Variants in ATP8A2 observed in about 807,000 individuals in gnomAD.
ATP8A2 encodes the protein ATPase phospholipid transporting 8A2.
In ATP8A2, 100 loss-of-function variants were observed where a neutral mutation model predicts 165.6. The ratio of observed to expected loss-of-function variants is 0.60; its 90% confidence interval spans 0.51 to 0.71. ATP8A2 has a LOEUF of 0.71. Among genes scored for constraint, ATP8A2 ranks in the 30% least tolerant of loss-of-function variants. The pLI is 0.00. For synonymous variants in ATP8A2, 543 were observed against 548.8 expected (o/e 0.99, Z 0.15); for missense variants, 1,227 against 1,479.5 (o/e 0.83, Z 2.80).
intron 24 of ATP8A2, among the ~76,000 whole-genome samples, chr13:25,676,303 C>A (rs1179999905): frequency 6.6e-6 from 1 of 152,156 alleles, no homozygotes; most frequent in Admixed American, 6.5e-5. Flanking sequence ...TTTCCCTCAT[C>A]TAGCTTAGAT....
intron 30 of ATP8A2, among the ~76,000 whole-genome samples, chr13:25,855,190 G>A (rs1566206216): frequency 6.6e-6 from 1 of 151,474 alleles, no homozygotes; most frequent in Non-Finnish European, 1.5e-5. Flanking sequence ...GGCAGAGATT[G>A]CAGTGAGCAG....
intron 24 of ATP8A2, among the ~76,000 whole-genome samples, chr13:25,680,168 A>G (rs1462947296): frequency 6.6e-6 from 1 of 152,286 alleles, no homozygotes; most frequent in South Asian, 2.1e-4. Context: ...ACCCCCCTGC[A>G]CAGTATCTTA....
At chr13:25,616,987 G>GATAAATAAAGATTAAA (rs2040844257) in intron 24 of ATP8A2, among the ~76,000 whole-genome samples, 1 of 152,160 alleles carries the variant, frequency 6.6e-6, no homozygotes, top group Non-Finnish European at 1.5e-5. Context: ...GATTAAATAT[G>GATAAATAAAGATTAAA]TAATTGGAAA....
intron 27 of ATP8A2, among the ~76,000 whole-genome samples, chr13:25,775,792 C>A (rs375411757): frequency 1.3e-5 from 2 of 152,152 alleles, no homozygotes; most frequent in East Asian, 3.8e-4. Flanking sequence ...TATTTTATAT[C>A]TGATTTCTTG....
intron 30 of ATP8A2, among the ~76,000 whole-genome samples, chr13:25,856,259 TAA>T (rs1007607632): frequency 2.0e-5 from 3 of 152,194 alleles, no homozygotes; most frequent in Admixed American, 2.0e-4. Flanking sequence ...TGTTTTATCA[TAA>T]GAGTTTTATA....
intron 24 of ATP8A2, among the ~76,000 whole-genome samples, chr13:25,657,955 C>T (rs1176354174): frequency 6.6e-6 from 1 of 152,150 alleles, no homozygotes; most frequent in East Asian, 1.9e-4. Flanking sequence ...GGTAACGTTA[C>T]TTTTGGTTCT....
intron 10 of ATP8A2, among the ~76,000 whole-genome samples, chr13:25,548,861 G>A (rs1170288063): frequency 2.0e-5 from 3 of 152,198 alleles, no homozygotes; most frequent in African/African-American, 7.2e-5. Context: ...AAAACTGTGG[G>A]GAGATAGTAT....
intron 27 of ATP8A2, among the ~76,000 whole-genome samples, chr13:25,798,631 G>A (rs1950546929): frequency 6.6e-6 from 1 of 152,146 alleles, no homozygotes; most frequent in South Asian, 2.1e-4. Context: ...GAAGGAGGTG[G>A]GGATGTTATA....
At chr13:25,865,929 G>A (rs1952498272) in intron 33 of ATP8A2, among the ~76,000 whole-genome samples, 1 of 152,030 alleles carries the variant, frequency 6.6e-6, no homozygotes, top group African/African-American at 2.4e-5. Flanking sequence ...TTTTCCGTGG[G>A]GGACCAGGTG....
chr13:25,543,070 G>C (rs2038534043), intron 9 of ATP8A2, among the ~76,000 whole-genome samples: 1 of 152,120 alleles, frequency 6.6e-6, no homozygotes, highest in Non-Finnish European at 1.5e-5. Flanking sequence ...TATAGAAAAA[G>C]CATTTTTTTT....
intron 36 of ATP8A2, 37 bp from the exon 37 acceptor site, chr13:26,019,848 TCTC>T (rs1281364332): frequency 6.1e-6 from 9 of 1,464,730 alleles, no homozygotes; most frequent in Non-Finnish European, 8.6e-6. Flanking sequence ...CTCCCCCAAT[TCTC>T]CTGTTAACCA....
intron 10 of ATP8A2, 71 bp downstream of exon 10, chr13:25,543,473 C>CA: frequency 4.0e-6 from 4 of 1,011,204 alleles, no homozygotes; most frequent in Non-Finnish European, 4.5e-6. Flanking sequence ...GTGGAAAATG[C>CA]AGATGTTGCA....
Position 25,649,134 on chromosome 13 carries a change from C to T in ATP8A2, c.2212-50039C>T, listed in dbSNP as rs906839739. On this transcript the variant is annotated intron_variant, in intron 24 of 36. Coordinates refer to ENST00000381655, the MANE Select transcript of ATP8A2 (RefSeq NM_016529.6). Reference sequence around the variant, plus strand: ...TACTTGAGATAACAACCTTTTCCAGCTTTCACAGGCATTCTTTGGAACAGA... The same window carrying T: ...TACTTGAGATAACAACCTTTTCCAGTTTTCACAGGCATTCTTTGGAACAGA... The T allele has an allele frequency of 7.7e-5, 34 of 444,318 alleles. No individual in the cohort carries two copies. In the Admixed American group the frequency reaches 8.7e-4, roughly 11 times the overall value. The allele number at this position is 444,318 out of a possible 1,614,324, so 27.5% of individuals were successfully genotyped here.
At chr13:25,478,220 T>C (rs190431052) in intron 2 of ATP8A2, among the ~76,000 whole-genome samples, 3 of 152,170 alleles carry the variant, frequency 2.0e-5, no homozygotes, top group Admixed American at 2.0e-4. Context: ...AAGGGTTTGT[T>C]TGCATAATGT....
At chr13:25,931,008 G>C (rs1484555951) in intron 33 of ATP8A2, among the ~76,000 whole-genome samples, 1 of 152,126 alleles carries the variant, frequency 6.6e-6, no homozygotes, top group Non-Finnish European at 1.5e-5. Context: ...ACACATTTTG[G>C]ATTTGTCCCC....
At chr13:25,784,337 C>T (rs4141623) in intron 27 of ATP8A2, among the ~76,000 whole-genome samples, 85,792 of 151,956 alleles carry the variant, frequency 0.56, 24,499 homozygotes, top group East Asian at 0.69. Context: ...CTTCGTAGCC[C>T]GGGTGCACTC....
intron 15 of ATP8A2, 118 bp from the exon 16 acceptor site, chr13:25,563,838 A>G (rs2039232866): frequency 1.6e-6 from 1 of 634,174 alleles, no homozygotes; most frequent in Non-Finnish European, 2.8e-6. Flanking sequence ...TAAAAGTTTA[A>G]TGTGAATCCC....
At chr13:25,789,780 A>C in intron 27 of ATP8A2, among the ~76,000 whole-genome samples, 1 of 152,222 alleles carries the variant, frequency 6.6e-6, no homozygotes, top group East Asian at 1.9e-4. Context: ...AGGCAATCCT[A>C]AGCAAAAAGA....
chr13:25,590,662 A>C (rs1187326497), intron 24 of ATP8A2, among the ~76,000 whole-genome samples: 2 of 152,124 alleles, frequency 1.3e-5, no homozygotes, highest in Admixed American at 1.3e-4. Flanking sequence ...ACTGGCAGGC[A>C]CCCATAGCAC....
Sources: allele counts gnomAD v4.1 joint callset (sites outside exome capture counted in the v4.1 genomes callset), GRCh38; gene constraint gnomAD v4.1.1; transcripts MANE v1.5; gene names NCBI Gene and HGNC (gene_info 2026-07-23, HGNC 2026-07-21).